GCNT1: variants seen among roughly 807,000 people sequenced by gnomAD.
GCNT1 encodes the protein beta-1,3-galactosyl-O-glycosyl-glycoprotein beta-1,6-N-acetylglucosaminyltransferase.
In GCNT1, 16 loss-of-function variants were observed where a neutral mutation model predicts 26.2. That is an observed-to-expected ratio of 0.61 (90% CI 0.41 to 0.93). The LOEUF is 0.93. Among genes scored for constraint, GCNT1 ranks in the 40% least tolerant of loss-of-function variants. The pLI is 0.00. For missense variants in GCNT1, 477 were observed against 526.7 expected, an observed-to-expected ratio of 0.91 and a Z score of 0.92; for synonymous variants, 183 against 190.8, an observed-to-expected ratio of 0.96 and a Z score of 0.34.
chr9:76,415,460 G>A (rs1175498441), upstream of GCNT1, among the ~76,000 whole-genome samples: 1 of 152,150 alleles, frequency 6.6e-6, no homozygotes, highest in Admixed American at 6.5e-5. Context: ...TCACATATTT[G>A]TCAGAGTCCT....
At position 76,469,261 on chromosome 9, in the gene GCNT1, C is replaced by T. The variant is rs28735195; in HGVS notation, c.-290+9084C>T. On this transcript the variant is annotated intron_variant, in intron 2 of 3. Transcript: ENST00000376730. ...GACAGGACTAGCTGGATTTCCTAGG[C>T]CCACTAAGAATCCCTAAGCCTAGCT... Among the ~76,000 whole-genome samples the T allele has an allele frequency of 8.9e-3, 1,359 of 152,230 alleles. 18 individuals carry two copies. Among genetic ancestry groups the T allele is most frequent in the African/African-American group, 0.031 (1,275 of 41,532 alleles).
intron 2 of GCNT1, among the ~76,000 whole-genome samples, chr9:76,495,186 C>G (rs1824872294): frequency 6.6e-6 from 1 of 152,148 alleles, no homozygotes; most frequent in Admixed American, 6.5e-5. Context: ...GCATTGGTTC[C>G]TTCTGGTGGA....
At chr9:76,478,698 T>C (rs1260748847) in intron 2 of GCNT1, among the ~76,000 whole-genome samples, 2 of 152,234 alleles carry the variant, frequency 1.3e-5, no homozygotes, top group South Asian at 4.1e-4. Context: ...TGATCCGTTG[T>C]ATGGATATAC....
intron 3 of GCNT1, among the ~76,000 whole-genome samples, chr9:76,501,552 C>T (rs1282133452): frequency 6.6e-6 from 1 of 152,212 alleles, no homozygotes; most frequent in African/African-American, 2.4e-5. Flanking sequence ...TGGCATGGAA[C>T]TAAACTCATT....
chr9:76,432,383 C>T (rs971874651), intron 1 of GCNT1, among the ~76,000 whole-genome samples: 2 of 152,088 alleles, frequency 1.3e-5, no homozygotes, highest in South Asian at 2.1e-4. Context: ...CACTCTGTTG[C>T]CCAGGCTCAA....
chr9:76,440,143 C>A (rs181204940), upstream of GCNT1, among the ~76,000 whole-genome samples: 91 of 151,512 alleles, frequency 6.0e-4, no homozygotes, highest in African/African-American at 1.9e-3. Context: ...AACTAACAAA[C>A]CTTTTGAGGT....
chr9:76,406,075 T>C, the GCNT1 span, among the ~76,000 whole-genome samples: 1 of 152,238 alleles, frequency 6.6e-6, no homozygotes, highest in Non-Finnish European at 1.5e-5. Flanking sequence ...TGTTCTGGAT[T>C]TGGGCCCTTC....
At chr9:76,426,995 C>T (rs1823265371) in intron 1 of GCNT1, among the ~76,000 whole-genome samples, 2 of 152,144 alleles carry the variant, frequency 1.3e-5, no homozygotes, top group African/African-American at 2.4e-5. Flanking sequence ...AAAGTCCTAA[C>T]CCCTAGTTCC....
At chr9:76,457,127 A>G (rs6560524), upstream of GCNT1, among the ~76,000 whole-genome samples, 42,167 of 152,196 alleles carry the variant, frequency 0.28, 6,168 homozygotes, top group Non-Finnish European at 0.32. Context: ...AGGTCTGGCT[A>G]TGCTGCCCAG....
upstream of GCNT1, among the ~76,000 whole-genome samples, chr9:76,441,234 C>T (rs113282932): frequency 6.6e-6 from 1 of 152,034 alleles, no homozygotes; most frequent in South Asian, 2.1e-4. Context: ...CAACATCCGC[C>T]TCCCGGCCTC....
intron 2 of GCNT1, among the ~76,000 whole-genome samples, chr9:76,460,772 G>T (rs1234434246): frequency 1.3e-5 from 2 of 152,102 alleles, no homozygotes; most frequent in African/African-American, 4.8e-5. Context: ...TTTATTGGCC[G>T]AGAGGTTGAT....
chr9:76,471,011 C>T (rs1198351728), intron 2 of GCNT1, among the ~76,000 whole-genome samples: 1 of 152,212 alleles, frequency 6.6e-6, no homozygotes, highest in Admixed American at 6.5e-5. Flanking sequence ...CCCCTGATCT[C>T]ATCCATTGTC....
the GCNT1 span, among the ~76,000 whole-genome samples, chr9:76,409,328 G>C: frequency 1.3e-5 from 2 of 152,226 alleles, no homozygotes; most frequent in African/African-American, 2.4e-5. Context: ...TTGTGTGTGT[G>C]TCTCTCTTTT....
chr9:76,462,251 CCT>C (rs1299591906), intron 2 of GCNT1, among the ~76,000 whole-genome samples: 1 of 152,000 alleles, frequency 6.6e-6, no homozygotes, highest in East Asian at 1.9e-4. Flanking sequence ...TGTCTAACTC[CCT>C]GTCTTAAAAA....
At position 76,507,067 on chromosome 9, in the gene GCNT1, A is replaced by G. The variant is rs540805063; in HGVS notation, c.*3399A>G. On this transcript the variant is annotated 3_prime_UTR_variant, in exon 4 of 4. Coordinates refer to ENST00000376730, the MANE Select transcript of GCNT1 (RefSeq NM_001490.5). ...TACCTTAAATGTTCTCAGAACATTT[A>G]GCCTGCAGTTGGGCAAAACCATTTA... 3.6e-5 allele frequency: 6 copies of G among 167,178 alleles called. No individual in the cohort carries two copies. Among genetic ancestry groups the G allele is most frequent in the African/African-American group, 1.4e-4 (6 of 41,586 alleles). 10.4% of individuals were successfully genotyped at this position (167,178 alleles called of 1,614,324 possible).
At chr9:76,491,354 CTT>C (rs1315111740) in intron 2 of GCNT1, among the ~76,000 whole-genome samples, 1 of 152,340 alleles carries the variant, frequency 6.6e-6, no homozygotes, top group African/African-American at 2.4e-5. Context: ...ACTGCCACCT[CTT>C]TGGGTTTTTG....
chr9:76,491,107 CTTTGACTTCTT>C (rs933185528), intron 2 of GCNT1, among the ~76,000 whole-genome samples: 3 of 152,130 alleles, frequency 2.0e-5, no homozygotes, highest in African/African-American at 4.8e-5. Context: ...CTTTCTTTCT[CTTTGACTTCTT>C]CTTTGTCTCT....
At chr9:76,482,604 A>G (rs1318170581) in intron 2 of GCNT1, among the ~76,000 whole-genome samples, 1 of 151,930 alleles carries the variant, frequency 6.6e-6, no homozygotes, top group Non-Finnish European at 1.5e-5. Context: ...AGCCTGGGCA[A>G]CAGAGGGAGA....
upstream of GCNT1, among the ~76,000 whole-genome samples, chr9:76,439,992 T>C (rs1174080457): frequency 1.3e-5 from 2 of 151,670 alleles, no homozygotes; most frequent in East Asian, 3.9e-4. Flanking sequence ...TCCCAGTTAC[T>C]TGGGAGGCTG....
Sources: allele counts gnomAD v4.1 joint callset (sites outside exome capture counted in the v4.1 genomes callset), GRCh38; gene constraint gnomAD v4.1.1; transcripts MANE v1.5; gene names NCBI Gene and HGNC (gene_info 2026-07-23, HGNC 2026-07-21).